ATP6V0E1: variants seen among roughly 807,000 people sequenced by gnomAD.
ATP6V0E1 encodes the protein V-type proton ATPase subunit e 1.
Under a neutral mutation model 11.6 loss-of-function variants are expected in ATP6V0E1, and 4 were observed. The observed-to-expected ratio is 0.35, with a 90% CI of 0.17 to 0.79. ATP6V0E1 has a LOEUF of 0.79. Among genes scored for constraint, ATP6V0E1 ranks in the 30% least tolerant of loss-of-function variants. The pLI is 0.54. For missense variants in ATP6V0E1, 105 were observed against 100.0 expected, an observed-to-expected ratio of 1.05 and a Z score of -0.21; for synonymous variants, 36 against 34.8, an observed-to-expected ratio of 1.04 and a Z score of -0.13.
intron 1 of ATP6V0E1, among the ~76,000 whole-genome samples, chr5:172,985,118 G>A (rs371126241): frequency 0.016 from 2,402 of 151,834 alleles, 68 homozygotes; most frequent in African/African-American, 0.055. Context: ...GGTGGCGGGC[G>A]CCTGTAATCC....
intron 2 of ATP6V0E1, among the ~76,000 whole-genome samples, chr5:173,016,226 G>A (rs940744045): frequency 1.3e-5 from 2 of 152,206 alleles, no homozygotes; most frequent in African/African-American, 4.8e-5. Context: ...CACCCTGTGA[G>A]ATCTGATGCT....
chr5:172,987,747 ACTGTCACC>A (rs1755918584), intron 1 of ATP6V0E1, among the ~76,000 whole-genome samples: 1 of 149,040 alleles, frequency 6.7e-6, no homozygotes, highest in Non-Finnish European at 1.5e-5. Flanking sequence ...AGAGAGTCTC[ACTGTCACC>A]CAGGCTGGAG....
In ATP6V0E1 at chr5:173,013,574, CAAAAA is replaced by C. The variant is rs35084966; in HGVS notation, c.153-6648_153-6644del. On this transcript the variant is annotated intron_variant, in intron 2 of 3. Coordinates refer to ENST00000519374, the MANE Select transcript of ATP6V0E1 (RefSeq NM_003945.4). ...TGGGCGACAGAGCCAGACTCCATCT[CAAAAA>C]AAAAAAAAAAAAAAAGAGACAACTT... 7.0e-3 allele frequency among the ~76,000 whole-genome samples: 431 copies of C among 61,622 alleles called. 1 individual carries two copies. Among genetic ancestry groups the C allele is most frequent in the African/African-American group, 0.019 (412 of 21,392 alleles). The allele number at this position is 61,622 out of a possible 152,430, so 40.4% of individuals were successfully genotyped here. A position where few individuals can be genotyped will look rare whatever the true frequency, so the allele number is the denominator to read the frequency against.
In ATP6V0E1 at chr5:173,027,396, G is replaced by A. The variant is rs374030131; in HGVS notation, c.*37-7003G>A. 1.7e-3 allele frequency among the ~76,000 whole-genome samples: 248 copies of A among 149,548 alleles called. 3 individuals are homozygous for A. Among genetic ancestry groups the A allele is most frequent in the African/African-American group, 6.0e-3 (246 of 40,750 alleles). ...GGGTGCCTGTAGTCCCAGTTACTCC[G>A]GAGGCTGAGGCAGGAGAATGGCGTG... is the stretch of plus-strand genomic sequence containing the variant. On this transcript the variant is annotated intron_variant, in intron 3 of 3. Coordinates refer to ENST00000519374, the MANE Select transcript of ATP6V0E1 (RefSeq NM_003945.4).
chr5:172,991,299 ACCACTCAGCATGCAGCT>A (rs1755974200), intron 1 of ATP6V0E1, among the ~76,000 whole-genome samples: 1 of 152,178 alleles, frequency 6.6e-6, no homozygotes, highest in Non-Finnish European at 1.5e-5. Flanking sequence ...GTGGCATTTC[ACCACTCAGCATGCAGCT>A]CCTAAGACCA....
At chr5:173,009,575 G>T (rs905136929) in intron 2 of ATP6V0E1, among the ~76,000 whole-genome samples, 1 of 142,846 alleles carries the variant, frequency 7.0e-6, no homozygotes, top group Non-Finnish European at 1.5e-5. Flanking sequence ...AGTGATTCTC[G>T]TGCCTCAGCC....
At chr5:173,030,202 G>T (rs563164246) in intron 3 of ATP6V0E1, among the ~76,000 whole-genome samples, 1 of 152,032 alleles carries the variant, frequency 6.6e-6, no homozygotes, top group South Asian at 2.1e-4. Flanking sequence ...CCATTCATTT[G>T]GTACATTGCC....
chr5:172,999,176 T>C (rs1377615689), intron 2 of ATP6V0E1, among the ~76,000 whole-genome samples: 1 of 152,186 alleles, frequency 6.6e-6, no homozygotes, highest in Non-Finnish European at 1.5e-5. Flanking sequence ...CACAGAGGAA[T>C]GACTTGAGAT....
chr5:173,002,336 C>T (rs550234645), intron 2 of ATP6V0E1, among the ~76,000 whole-genome samples: 7 of 152,332 alleles, frequency 4.6e-5, no homozygotes, highest in Admixed American at 1.3e-4. Context: ...AAAGACCACA[C>T]GTAGCAATTG....
At chr5:173,020,489 G>A (rs111742329) in intron 3 of ATP6V0E1, 122 bp downstream of exon 3, 10 of 614,602 alleles carry the variant, frequency 1.6e-5, no homozygotes, top group African/African-American at 1.3e-4. Flanking sequence ...ATGCAAACAC[G>A]ATCTGAAGAG....
chr5:173,031,548 G>A (rs528535796), intron 3 of ATP6V0E1, among the ~76,000 whole-genome samples: 1 of 151,676 alleles, frequency 6.6e-6, no homozygotes, highest in Non-Finnish European at 1.5e-5. Flanking sequence ...GCCAGGCGAG[G>A]TGGCTCACGC....
At chr5:172,984,042 C>G (rs997438082) in intron 1 of ATP6V0E1, 78 bp downstream of exon 1, 3 of 1,395,448 alleles carry the variant, frequency 2.1e-6, no homozygotes, top group East Asian at 2.3e-5. Context: ...GCACGACCCC[C>G]ACACGGGTCA....
At chr5:172,991,217 C>T (rs928405322) in intron 1 of ATP6V0E1, among the ~76,000 whole-genome samples, 2 of 152,152 alleles carry the variant, frequency 1.3e-5, no homozygotes, top group African/African-American at 4.8e-5. Context: ...CATTGTTTAA[C>T]GTATTCATAT....
intron 3 of ATP6V0E1, chr5:173,020,650 T>A: frequency 1.9e-6 from 1 of 524,296 alleles, no homozygotes; most frequent in Non-Finnish European, 3.8e-6. Flanking sequence ...ATCAAAAAAG[T>A]AACTGTTTAT....
chr5:172,990,942 A>G (rs949576291), intron 1 of ATP6V0E1, among the ~76,000 whole-genome samples: 7 of 150,492 alleles, frequency 4.7e-5, no homozygotes, highest in African/African-American at 1.7e-4. Flanking sequence ...GAGCCACCAT[A>G]CCTGTTTTTT....
chr5:173,022,327 G>A (rs1429774626), intron 3 of ATP6V0E1, among the ~76,000 whole-genome samples: 1 of 152,172 alleles, frequency 6.6e-6, no homozygotes, highest in Non-Finnish European at 1.5e-5. Flanking sequence ...TAAGGCTGAT[G>A]TGATCACTGG....
chr5:173,010,808 C>T (rs1581631198), intron 2 of ATP6V0E1, among the ~76,000 whole-genome samples: 1 of 152,140 alleles, frequency 6.6e-6, no homozygotes, highest in African/African-American at 2.4e-5. Context: ...GCTCCATCTG[C>T]GTGTCACCGG....
At chr5:173,029,394 T>G (rs965766263) in intron 3 of ATP6V0E1, among the ~76,000 whole-genome samples, 8 of 152,194 alleles carry the variant, frequency 5.3e-5, no homozygotes, top group African/African-American at 1.9e-4. Flanking sequence ...CGTCACTTTT[T>G]TCTCCTCTTC....
At chr5:173,018,059 G>A (rs1207969011) in intron 2 of ATP6V0E1, among the ~76,000 whole-genome samples, 2 of 151,938 alleles carry the variant, frequency 1.3e-5, no homozygotes, top group Non-Finnish European at 2.9e-5. Context: ...TGAATAACGT[G>A]GAAGTTAGAG....
Sources: allele counts gnomAD v4.1 joint callset (sites outside exome capture counted in the v4.1 genomes callset), GRCh38; gene constraint gnomAD v4.1.1; transcripts MANE v1.5; gene names NCBI Gene and HGNC (gene_info 2026-07-23, HGNC 2026-07-21).